The following PLD3 variants were observed in gnomAD, a reference collection of about 807,000 sequenced individuals.
The protein encoded by PLD3 is phospholipase D family member 3.
A neutral mutation model predicts 58.4 loss-of-function variants in PLD3; 31 were observed. That is an observed-to-expected ratio of 0.53 (90% CI 0.40 to 0.72). The LOEUF (loss-of-function observed/expected upper bound fraction) is 0.72, where lower values mean the gene tolerates loss of function less well. PLD3 is among the 30% of genes least tolerant of loss of function. The probability of loss-of-function intolerance (pLI) is 0.00; values close to 1 mark genes in which losing one functional copy is unlikely to be tolerated. For missense variants in PLD3, 595 were observed against 659.8 expected (o/e 0.90, Z 1.08); for synonymous variants, 264 against 273.4 (o/e 0.97, Z 0.34).
intron 1 of PLD3, chr19:40,360,480 C>A (rs1374727856): frequency 6.6e-6 from 1 of 151,492 alleles, no homozygotes; most frequent in East Asian, 1.9e-4. Flanking sequence ...GGCGCAGTGG[C>A]TCCTGCCTGT....
At chr19:40,350,015 C>T (rs1006178939) in intron 1 of PLD3, among the ~76,000 whole-genome samples, 2 of 149,896 alleles carry the variant, frequency 1.3e-5, no homozygotes, top group Admixed American at 6.7e-5. Context: ...AATCCCAGCA[C>T]TTTGGGAGGC....
chr19:40,366,356 C>A (rs896876415), intron 2 of PLD3, 63 bp from the exon 3 acceptor site: 1 of 821,258 alleles, frequency 1.2e-6, no homozygotes, highest in Non-Finnish European at 2.2e-6. Flanking sequence ...AATCACTCTT[C>A]TGTGATGTCT....
intron 1 of PLD3, among the ~76,000 whole-genome samples, chr19:40,364,792 C>T (rs938345320): frequency 7.7e-5 from 11 of 142,904 alleles, no homozygotes; most frequent in South Asian, 2.2e-4. Flanking sequence ...AGCGAGACTG[C>T]GTCTCCAAAA....
intron 1 of PLD3, chr19:40,359,926 C>A (rs1312361507): frequency 6.6e-6 from 1 of 152,086 alleles, no homozygotes; most frequent in Admixed American, 6.6e-5. Flanking sequence ...GAACTCCTGG[C>A]CTCACGCAAT....
intron 1 of PLD3, among the ~76,000 whole-genome samples, chr19:40,361,843 CTT>C (rs71171562): frequency 6.7e-6 from 1 of 148,350 alleles, no homozygotes; most frequent in Non-Finnish European, 1.5e-5. Flanking sequence ...TTATTATCAC[CTT>C]TTTTTTTTAT....
chr19:40,369,154 C>T (rs1229746808), intron 6 of PLD3, among the ~76,000 whole-genome samples: 2 of 151,542 alleles, frequency 1.3e-5, no homozygotes, highest in East Asian at 3.9e-4. Flanking sequence ...GTTAAAAAAC[C>T]GTATGAGCTC....
chr19:40,374,723 A>T (rs780123319), intron 10 of PLD3, 103 bp downstream of exon 10: 6 of 1,281,958 alleles, frequency 4.7e-6, no homozygotes, highest in Non-Finnish European at 5.5e-6. Context: ...GCAAGGGGAC[A>T]GATGGAAGAG....
intron 8 of PLD3, chr19:40,371,366 C>A: frequency 2.9e-6 from 1 of 349,354 alleles, no homozygotes; most frequent in East Asian, 5.2e-5. Flanking sequence ...CTGGTGCAGG[C>A]TGGGTAGTCA....
At position 40,366,589 on chromosome 19, in the gene PLD3, C is replaced by T. The variant is rs773988433; in HGVS notation, c.28-21C>T. 3.8e-6 allele frequency: 6 copies of T among 1,579,102 alleles called. No individual in the cohort carries two copies. The African/African-American group carries it at 5.4e-5, about 14-fold the overall frequency. ...GTTCCCAAGAGCCACCTGTCACCCC[C>T]GTTGTTGTCCCCATCCCCAGCTGAA... On this transcript the variant is annotated intron_variant, in intron 3 of 12. Transcript: ENST00000409735.
intron 10 of PLD3, chr19:40,374,877 C>A: frequency 2.0e-6 from 1 of 493,222 alleles, no homozygotes; most frequent in Non-Finnish European, 3.7e-6. Flanking sequence ...ATGAGAGGGC[C>A]GGGCGTGGTG....
At chr19:40,352,534 A>T (rs994626584) in intron 1 of PLD3, among the ~76,000 whole-genome samples, 1 of 152,174 alleles carries the variant, frequency 6.6e-6, no homozygotes, top group South Asian at 2.1e-4. Flanking sequence ...TTCCAGGCTT[A>T]CCACATATCC....
chr19:40,369,333 G>A (rs2079007534), intron 6 of PLD3, among the ~76,000 whole-genome samples: 1 of 152,064 alleles, frequency 6.6e-6, no homozygotes, highest in South Asian at 2.1e-4. Context: ...TTGAAGATCA[G>A]CCTGGGCAAC....
intron 9 of PLD3, 135 bp from the exon 10 acceptor site, chr19:40,374,346 G>A: frequency 1.1e-6 from 1 of 869,844 alleles, no homozygotes; most frequent in South Asian, 1.6e-5. Context: ...TGTGGTGATT[G>A]ACCCTCTTCT....
intron 1 of PLD3, among the ~76,000 whole-genome samples, chr19:40,352,105 C>T (rs1054665593): frequency 2.0e-5 from 3 of 152,100 alleles, no homozygotes; most frequent in Non-Finnish European, 4.4e-5. Flanking sequence ...AACCTCATCT[C>T]TACCAAAATT....
At chr19:40,352,163 C>T (rs2145656891) in intron 1 of PLD3, among the ~76,000 whole-genome samples, 1 of 151,492 alleles carries the variant, frequency 6.6e-6, no homozygotes, top group African/African-American at 2.4e-5. Context: ...ATCCCAGCTA[C>T]TCAGGAGGCT....
At chr19:40,371,352 A>C (rs947274917) in intron 8 of PLD3, 4 of 310,438 alleles carry the variant, frequency 1.3e-5, no homozygotes, top group Non-Finnish European at 2.4e-5. Context: ...GCCCAGAGGA[A>C]TGCCTGGTGC....
rs368325395 is a variant in PLD3 at position 40,374,539 on chromosome 19, A to G, written c.938A>G (p.Asn313Ser). The change falls in exon 10 of 13, where the codon AAC becomes AGC. Residue 313 changes from asparagine (N) to serine (S), a missense_variant. Transcript: ENST00000409735. ...ACTCCAGACCTGAAGGCTCTACTCAACGTGGTGGACAATGCCCGGAGTTTC... is the reference window on the plus strand; with the variant it reads ...ACTCCAGACCTGAAGGCTCTACTCAGCGTGGTGGACAATGCCCGGAGTTTC... ...GRTPDLKALLNVVDNARSFIY... is the reference protein window; with the variant it reads ...GRTPDLKALLSVVDNARSFIY... 4.3e-5 allele frequency: 70 copies of G among 1,614,024 alleles called. No homozygotes were observed. The highest frequency in any genetic ancestry group is 5.7e-5 in the Non-Finnish European group (67 of 1,180,036).
chr19:40,376,093 C>T (rs755269775), intron 10 of PLD3, among the ~76,000 whole-genome samples: 59 of 152,300 alleles, frequency 3.9e-4, no homozygotes, highest in Admixed American at 1.3e-3. Flanking sequence ...CAGTGGCTCA[C>T]GCCTGTAATC....
chr19:40,350,081 A>G (rs1338559452), intron 1 of PLD3, among the ~76,000 whole-genome samples: 1 of 150,678 alleles, frequency 6.6e-6, no homozygotes, highest in African/African-American at 2.4e-5. Flanking sequence ...ACCAACATGG[A>G]GAAACCCCAT....
Sources: gnomAD v4.1 joint callset for allele counts (sites outside exome capture counted in the v4.1 genomes callset) on GRCh38, gnomAD v4.1.1 for gene constraint, MANE v1.5 for transcripts, NCBI Gene and HGNC (gene_info 2026-07-23, HGNC 2026-07-21) for gene names.